The following NT5M variants were observed in gnomAD, a reference collection of about 807,000 sequenced individuals.
NT5M encodes the protein 5',3'-nucleotidase, mitochondrial, also known as 5'(3')-deoxyribonucleotidase, mitochondrial.
A neutral mutation model predicts 22.2 loss-of-function variants in NT5M; 22 were observed. The ratio of observed to expected loss-of-function variants is 0.99; its 90% CI spans 0.71 to 1.41. NT5M has a LOEUF of 1.41. Ranked by LOEUF, NT5M falls within the 40% of genes most tolerant of loss-of-function variation. The probability of loss-of-function intolerance (pLI) is 0.00; values close to 1 mark genes in which losing one functional copy is unlikely to be tolerated. For synonymous variants in NT5M, 167 were observed against 133.0 expected (o/e 1.26, Z -1.76); for missense variants, 322 against 314.8 (o/e 1.02, Z -0.17).
intron 1 of NT5M, 51 bp downstream of exon 1, chr17:17,303,868 C>T: frequency 7.5e-7 from 1 of 1,327,572 alleles, no homozygotes; most frequent in Non-Finnish European, 9.7e-7. Flanking sequence ...GCCCCGAGCC[C>T]CAGACACCGC....
intron 2 of NT5M, among the ~76,000 whole-genome samples, chr17:17,322,197 G>A (rs2049165372): frequency 6.6e-6 from 1 of 152,176 alleles, no homozygotes; most frequent in South Asian, 2.1e-4. Context: ...GTAGGTGACA[G>A]TGAGTAGGAA....
chr17:17,340,822 C>T (rs2049627762), intron 3 of NT5M, among the ~76,000 whole-genome samples: 2 of 152,126 alleles, frequency 1.3e-5, no homozygotes, highest in South Asian at 4.1e-4. Context: ...CCGCGCCCGG[C>T]CTGCTCTTGT....
rs1267017181 is a variant in NT5M at position 17,305,697 on chromosome 17, T to C, written c.268-846T>C. 2.0e-5 allele frequency among the ~76,000 whole-genome samples: 3 copies of C among 152,116 alleles called. No individual in the cohort carries two copies. The East Asian group carries it at 5.8e-4, about 29-fold the overall frequency. On this transcript the variant is annotated intron_variant, in intron 1 of 4. Transcript: ENST00000389022. ...ACTGCACACGTGGGATTTAGGCTCC[T>C]GCTCATAGGCTGAGATGTGTCTCCC...
At chr17:17,335,652 A>G (rs2049491971) in intron 3 of NT5M, among the ~76,000 whole-genome samples, 1 of 150,520 alleles carries the variant, frequency 6.6e-6, no homozygotes, top group African/African-American at 2.4e-5. Context: ...TTTTTTTTTG[A>G]GATGGAGTCT....
intron 3 of NT5M, among the ~76,000 whole-genome samples, chr17:17,341,556 A>C (rs1016824066): frequency 1.3e-5 from 2 of 152,196 alleles, no homozygotes; most frequent in African/African-American, 4.8e-5. Flanking sequence ...CACGAGGTAG[A>C]TGCTGTCCTT....
intron 2 of NT5M, among the ~76,000 whole-genome samples, chr17:17,321,563 C>G (rs1444436835): frequency 6.6e-6 from 1 of 150,562 alleles, no homozygotes; most frequent in Non-Finnish European, 1.5e-5. Flanking sequence ...CCCAGAGCAC[C>G]AGAGAGGGCA....
chr17:17,304,392 ACC>A, intron 1 of NT5M: 2 of 985,290 alleles, frequency 2.0e-6, no homozygotes, highest in Non-Finnish European at 2.4e-6. Flanking sequence ...CCTGAGCTCA[ACC>A]CCTACCATCC....
chr17:17,315,129 T>A (rs970053309), intron 2 of NT5M, among the ~76,000 whole-genome samples: 5 of 147,082 alleles, frequency 3.4e-5, no homozygotes, highest in South Asian at 2.1e-4. Context: ...ATTGTTGATT[T>A]AAAAAAAAAT....
At chr17:17,339,194 G>C (rs944675584) in intron 3 of NT5M, among the ~76,000 whole-genome samples, 4 of 129,508 alleles carry the variant, frequency 3.1e-5, no homozygotes, top group Non-Finnish European at 6.9e-5. Flanking sequence ...ACAGTGTAGA[G>C]CTCTTTCACT....
chr17:17,328,226 A>T (rs1032080827), intron 3 of NT5M, among the ~76,000 whole-genome samples: 2 of 152,166 alleles, frequency 1.3e-5, no homozygotes, highest in Non-Finnish European at 2.9e-5. Flanking sequence ...AGTGCACAGC[A>T]GATTTGAGGA....
At chr17:17,317,629 A>C (rs961104078) in intron 2 of NT5M, among the ~76,000 whole-genome samples, 3 of 152,134 alleles carry the variant, frequency 2.0e-5, no homozygotes, top group Admixed American at 2.0e-4. Flanking sequence ...GTGAATATAA[A>C]ACAGTGCAGC....
At chr17:17,310,015 G>A (rs1401028952) in intron 2 of NT5M, among the ~76,000 whole-genome samples, 2 of 151,790 alleles carry the variant, frequency 1.3e-5, no homozygotes, top group Non-Finnish European at 2.9e-5. Flanking sequence ...TAGTAGAGAC[G>A]GGGCTTCACC....
Position 17,303,936 on chromosome 17 carries a change from G to A in NT5M, c.267+119G>A, listed in dbSNP as rs557848887. On this transcript the variant is annotated intron_variant, in intron 1 of 4. Transcript: ENST00000389022. ...CCAGCCTCGGGGTGGCCCTCTGATAGAATAGGGTCTGGGGGGGACTAGGGG... is the reference window on the plus strand; with the variant it reads ...CCAGCCTCGGGGTGGCCCTCTGATAAAATAGGGTCTGGGGGGGACTAGGGG... 2.6e-5 allele frequency: 34 copies of A among 1,315,482 alleles called. No individual in the cohort carries two copies. In the South Asian group the frequency reaches 6.3e-4, roughly 24 times the overall value. 81.5% of individuals were successfully genotyped at this position (1,315,482 alleles called of 1,614,324 possible).
At chr17:17,324,313 A>T (rs982026208) in intron 3 of NT5M, among the ~76,000 whole-genome samples, 1 of 151,556 alleles carries the variant, frequency 6.6e-6, no homozygotes, top group African/African-American at 2.4e-5. Flanking sequence ...GTGAAACCCC[A>T]TCTCTATTAA....
intron 2 of NT5M, among the ~76,000 whole-genome samples, chr17:17,311,976 G>T (rs1271683734): frequency 1.3e-5 from 2 of 152,262 alleles, no homozygotes; most frequent in African/African-American, 4.8e-5. Context: ...CTGGGGAGCT[G>T]CAGGGCACAG....
intron 4 of NT5M, chr17:17,345,305 C>G (rs2049734368): frequency 1.0e-5 from 10 of 1,004,460 alleles, no homozygotes; most frequent in Non-Finnish European, 1.2e-5. Flanking sequence ...AGAGCTCCTG[C>G]AGGGAAGGTG....
At position 17,303,823 on chromosome 17, in the gene NT5M, C is replaced by G; in HGVS notation, c.267+6C>G. On this transcript the variant is annotated splice_donor_region_variant and intron_variant, in intron 1 of 4. Coordinates refer to ENST00000389022, the MANE Select transcript of NT5M (RefSeq NM_020201.4). ...GCCTGCGGCCAGGGCTGAGCGTGAGCGTCCCCGCCCCGCCCCGCGCCGGGC... is the reference window on the plus strand; with the variant it reads ...GCCTGCGGCCAGGGCTGAGCGTGAGGGTCCCCGCCCCGCCCCGCGCCGGGC... 7.1e-7 allele frequency: 1 copy of G among 1,404,352 alleles called. No homozygotes were observed. Among genetic ancestry groups the G allele is most frequent in the Non-Finnish European group, 9.4e-7 (1 of 1,066,302 alleles). 87.0% of individuals were successfully genotyped at this position (1,404,352 alleles called of 1,614,324 possible). A position where few individuals can be genotyped will look rare whatever the true frequency, so the allele number is the denominator to read the frequency against.
At chr17:17,334,273 G>A (rs931556152) in intron 3 of NT5M, among the ~76,000 whole-genome samples, 4 of 151,336 alleles carry the variant, frequency 2.6e-5, no homozygotes, top group African/African-American at 9.7e-5. Context: ...GGCTCGTTTT[G>A]AGTTAATTAT....
At chr17:17,342,597 A>G (rs1488202944) in intron 3 of NT5M, among the ~76,000 whole-genome samples, 2 of 152,292 alleles carry the variant, frequency 1.3e-5, no homozygotes, top group South Asian at 2.1e-4. Flanking sequence ...CAGATGTTCC[A>G]TGTTCCAGCC....
Sources: allele counts gnomAD v4.1 joint callset (sites outside exome capture counted in the v4.1 genomes callset), GRCh38; gene constraint gnomAD v4.1.1; transcripts MANE v1.5; gene names NCBI Gene and HGNC (gene_info 2026-07-23, HGNC 2026-07-21).